The following ZNF106 variants were observed in gnomAD, a reference collection of about 807,000 sequenced individuals.
ZNF106 encodes the protein zinc finger protein 106.
ZNF106 carries 67 observed loss-of-function variants against 195.1 expected under a neutral mutation model. That is an observed-to-expected ratio of 0.34 (90% confidence interval 0.28 to 0.42). The LOEUF is 0.42. ZNF106 is among the 10% of genes least tolerant of loss of function. ZNF106 has a pLI of 1.00. For synonymous variants in ZNF106, 784 were observed against 818.6 expected (o/e 0.96, Z 0.72); for missense variants, 2,118 against 2,304.5 (o/e 0.92, Z 1.66).
At chr15:42,436,560 ACAT>A (rs1465937903) in intron 13 of ZNF106, among the ~76,000 whole-genome samples, 5 of 152,200 alleles carry the variant, frequency 3.3e-5, no homozygotes, top group Admixed American at 3.3e-4. Context: ...ATTCATTCAG[ACAT>A]CATGTTCTTC....
chr15:42,434,746 T>C lies in ZNF106; in HGVS notation c.4881+638A>G, dbSNP rs867425065. Among the ~76,000 whole-genome samples the C allele has an allele frequency of 6.6e-5, 10 of 151,890 alleles. 1 individual carries two copies. Among genetic ancestry groups the C allele is most frequent in the South Asian group, 4.2e-4 (2 of 4,814 alleles). On this transcript the variant is annotated intron_variant, in intron 14 of 21. Coordinates refer to ENST00000564754, the MANE Select transcript of ZNF106 (RefSeq NM_001366845.3). ...ATGTCCATTTCTAATTCTGCAGATT[T>C]AAAAAGTTTATACATTTTGCTCTTT...
intron 3 of ZNF106, among the ~76,000 whole-genome samples, chr15:42,461,544 T>A (rs1338773573): frequency 6.6e-6 from 1 of 152,226 alleles, no homozygotes. Context: ...TTTTTAATAG[T>A]CTCTATCTGG....
At chr15:42,490,519 T>A (rs2057130794) in intron 1 of ZNF106, 1 of 151,878 alleles carries the variant, frequency 6.6e-6, no homozygotes, top group Non-Finnish European at 1.5e-5. Context: ...CTGTTGTTAC[T>A]ATTTGTTATT....
intron 8 of ZNF106, 41 bp downstream of exon 8, chr15:42,444,786 G>A (rs765205944): frequency 2.5e-5 from 40 of 1,606,876 alleles, no homozygotes; most frequent in Non-Finnish European, 2.3e-5. Context: ...ACAAGATTTC[G>A]GAGATGATCC....
chr15:42,477,636 C>CA (rs2056812004), intron 1 of ZNF106, among the ~76,000 whole-genome samples: 1 of 152,178 alleles, frequency 6.6e-6, no homozygotes, highest in Non-Finnish European at 1.5e-5. Context: ...TGCCTGTAAT[C>CA]CCAACACTTT....
chr15:42,446,776 T>G, intron 6 of ZNF106, 118 bp from the exon 7 acceptor site: 7 of 862,952 alleles, frequency 8.1e-6, no homozygotes, highest in Non-Finnish European at 1.2e-5. Flanking sequence ...CTACCATCTC[T>G]AACATGATCG....
chr15:42,431,416 G>C (rs1215505000), intron 14 of ZNF106, among the ~76,000 whole-genome samples: 1 of 131,658 alleles, frequency 7.6e-6, no homozygotes, highest in Non-Finnish European at 1.6e-5. Context: ...TTCTTGAAAT[G>C]AAGTTTTTCT....
At position 42,439,142 on chromosome 15, in the gene ZNF106, T is replaced by C. The variant is rs1263253756; in HGVS notation, c.4435A>G (p.Ile1479Val). 6.2e-7 allele frequency: 1 copy of C among 1,613,994 alleles called. No individual in the cohort carries two copies. The highest frequency in any genetic ancestry group is 1.3e-5 in the African/African-American group (1 of 74,902). ...GGGTTTTGCTCTGTAGAGTTCCAAA[T>C]ATCCTTTTTAGATGGGCTGTCTGGT... is the stretch of plus-strand genomic sequence containing the variant. ...EKPDSPSKKD[I>V]WNSTEQNPLE... Residue 1479 changes from isoleucine to valine, a missense_variant, in exon 11 of 22, where the codon ATT (isoleucine) becomes GTT (valine). Ile to Val is a conservative substitution (Grantham distance 29, BLOSUM62 3). Coordinates refer to ENST00000564754, the MANE Select transcript of ZNF106 (RefSeq NM_001366845.3).
chr15:42,445,068 T>A, intron 7 of ZNF106, 87 bp from the exon 8 acceptor site: 1 of 1,479,454 alleles, frequency 6.8e-7, no homozygotes, highest in South Asian at 1.3e-5. Flanking sequence ...TACCCATTAT[T>A]TAGGATAAGA....
At chr15:42,433,982 A>G (rs2055167961) in intron 14 of ZNF106, among the ~76,000 whole-genome samples, 1 of 151,896 alleles carries the variant, frequency 6.6e-6, no homozygotes, top group African/African-American at 2.4e-5. Flanking sequence ...CCAAACAGCT[A>G]GGACTATAGG....
chr15:42,424,223 C>T (rs2054770511), intron 16 of ZNF106, 163 bp from the exon 17 acceptor site: 1 of 592,968 alleles, frequency 1.7e-6, no homozygotes. Context: ...CTGAAACTTA[C>T]ACCCCCCTAC....
chr15:42,473,418 A>G (rs2056721508), intron 1 of ZNF106, among the ~76,000 whole-genome samples: 1 of 152,116 alleles, frequency 6.6e-6, no homozygotes, highest in Admixed American at 6.6e-5. Flanking sequence ...TTCTTCCTCT[A>G]TCATTCTGGT....
rs148414931 is a variant in ZNF106 at position 42,421,696 on chromosome 15, A to G, written c.5445+221T>C. ...AAGCATCTTAAATTTACCTTCTATT[A>G]AACTGTAGTTGATACTACCATTTTT... is the stretch of plus-strand genomic sequence containing the variant. On this transcript the variant is annotated intron_variant, in intron 19 of 21. Transcript: ENST00000564754. 2.4e-3 allele frequency among the ~76,000 whole-genome samples: 373 copies of G among 152,290 alleles called. 1 individual carries two copies. Among genetic ancestry groups the G allele is most frequent in the Non-Finnish European group, 4.7e-3 (318 of 68,026 alleles).
At chr15:42,444,040 A>G (rs771385107) in intron 9 of ZNF106, among the ~76,000 whole-genome samples, 162 bp downstream of exon 9, 16 of 133,226 alleles carry the variant, frequency 1.2e-4, no homozygotes, top group South Asian at 7.9e-4. Context: ...TGAACCTGGG[A>G]GGCAGAGGTT....
chr15:42,413,304 T>C lies in ZNF106; in HGVS notation c.*4000A>G, dbSNP rs1477387320. The C allele has an allele frequency of 1.3e-5, 2 of 152,180 alleles. No individual in the cohort carries two copies. The highest frequency in any genetic ancestry group is 2.9e-5 in the Non-Finnish European group (2 of 68,034). 9.4% of individuals were successfully genotyped at this position (152,180 alleles called of 1,614,324 possible). On this transcript the variant is annotated 3_prime_UTR_variant, in exon 22 of 22. Coordinates refer to ENST00000564754, the MANE Select transcript of ZNF106 (RefSeq NM_001366845.3). ...TCACCTCCACCACAACTTCTATTCC[T>C]GTCTATTAGACCACTTCTCTTAAAC...
chr15:42,423,950 A>G lies in ZNF106; in HGVS notation c.5253+48T>C, dbSNP rs760607842. On this transcript the variant is annotated intron_variant, in intron 17 of 21. Coordinates refer to ENST00000564754, the MANE Select transcript of ZNF106 (RefSeq NM_001366845.3). ...GGTTTAAGAAAACCATCAAGCTTTAACCATTATTTTATTCACAGTTTCTTT... is the reference window on the plus strand; with the variant it reads ...GGTTTAAGAAAACCATCAAGCTTTAGCCATTATTTTATTCACAGTTTCTTT... The G allele has an allele frequency of 3.2e-6, 5 of 1,541,942 alleles. No individual in the cohort carries two copies. The South Asian group carries it at 6.0e-5, about 19-fold the overall frequency.
rs574737183 is a variant in ZNF106 at position 42,434,401 on chromosome 15, GGTCACTGTGATGCACACTAAA to G, written c.4881+962_4881+982del. On this transcript the variant is annotated intron_variant, in intron 14 of 21. Transcript: ENST00000564754. ...AATATGTGTTTTAACAAGCTGTCCA[GGTCACTGTGATGCACACTAAA>G]GTTGTGAGCCAGTGCCTCTAGGGAT... Among the ~76,000 whole-genome samples the G allele has an allele frequency of 9.8e-5, 15 of 152,288 alleles. No individual in the cohort carries two copies. The East Asian group carries it at 2.9e-3, about 29-fold the overall frequency.
At chr15:42,464,217 G>C (rs2056460133) in intron 3 of ZNF106, among the ~76,000 whole-genome samples, 1 of 147,576 alleles carries the variant, frequency 6.8e-6, no homozygotes, top group African/African-American at 2.4e-5. Flanking sequence ...ACGCACGCCT[G>C]TAATCCCAGC....
chr15:42,429,539 T>C lies in ZNF106; in HGVS notation c.4882-1405A>G, dbSNP rs1022134628. Among the ~76,000 whole-genome samples, 3 of 151,936 alleles carry C rather than the reference T, an allele frequency of 2.0e-5. 1 individual carries two copies. Among genetic ancestry groups the C allele is most frequent in the Admixed American group, 6.6e-5 (1 of 15,252 alleles). ...GATATTAAAATCAAGATGGTTACAA[T>C]TGGGTAGGATGAGAAAAGCTGTGGC... On this transcript the variant is annotated intron_variant, in intron 14 of 21. Coordinates refer to ENST00000564754, the MANE Select transcript of ZNF106 (RefSeq NM_001366845.3).
Sources: allele counts gnomAD v4.1 joint callset (sites outside exome capture counted in the v4.1 genomes callset), GRCh38; gene constraint gnomAD v4.1.1; transcripts MANE v1.5; gene names NCBI Gene and HGNC (gene_info 2026-07-23, HGNC 2026-07-21).